Variants in OXNAD1 observed in about 807,000 individuals in gnomAD.
The protein encoded by OXNAD1 is oxidoreductase NAD-binding domain-containing protein 1.
In OXNAD1, 34 loss-of-function variants were observed where a neutral mutation model predicts 32.9. The ratio of observed to expected loss-of-function variants is 1.03; its 90% CI spans 0.79 to 1.38. The LOEUF (loss-of-function observed/expected upper bound fraction) is 1.38. Among genes scored for constraint, OXNAD1 ranks in the 40% most tolerant of loss-of-function variants. OXNAD1 has a pLI of 0.00. For synonymous variants in OXNAD1, 134 were observed against 135.2 expected (o/e 0.99, Z 0.06); for missense variants, 407 against 379.4 (o/e 1.07, Z -0.60).
At position 16,280,369 on chromosome 3, in the gene OXNAD1, C is replaced by T. The variant is rs998644715; in HGVS notation, c.184-5973C>T. Among the ~76,000 whole-genome samples the T allele has an allele frequency of 6.6e-6, 1 of 152,186 alleles. No homozygotes were observed. The highest frequency in any genetic ancestry group is 2.4e-5 in the African/African-American group (1 of 41,436). On this transcript the variant is annotated intron_variant, in intron 4 of 8. Transcript: ENST00000285083. The surrounding 1 kb of genome is among the most constrained non-coding windows in gnomAD (Gnocchi z 4.5). Reference sequence around the variant, plus strand: ...CATTCTAGGGCATAGTGTTAACCAGCATAAGCCATTTAAGAAGTTAAATTG... The same window carrying T: ...CATTCTAGGGCATAGTGTTAACCAGTATAAGCCATTTAAGAAGTTAAATTG...
intron 4 of OXNAD1, among the ~76,000 whole-genome samples, chr3:16,276,913 TTTTC>T (rs2065371811): frequency 1.4e-5 from 2 of 139,478 alleles, no homozygotes; most frequent in Non-Finnish European, 3.1e-5. Context: ...TTCTGTTTCT[TTTTC>T]TTTCTTTCTT....
Position 16,316,459 on chromosome 3 carries a change from G to C in OXNAD1, c.*30+12867G>C, listed in dbSNP as rs1485438518. 3.4e-6 allele frequency: 1 copy of C among 297,490 alleles called. No individual in the cohort carries two copies. The highest frequency in any genetic ancestry group is 6.4e-6 in the Non-Finnish European group (1 of 156,610). 18.4% of individuals were successfully genotyped at this position (297,490 alleles called of 1,614,324 possible). A position where few individuals can be genotyped will look rare whatever the true frequency, so the allele number is the denominator to read the frequency against. On this transcript the variant is annotated intron_variant, in intron 9 of 9. Transcript: ENST00000435829. This position sits in a 1 kb window ranked among gnomAD's most constrained non-coding sequence, Gnocchi z 4.5. The stretch of plus-strand genomic sequence containing the variant: ...ACAGCAGCCTTGGTTTGTAGCCCAG[G>C]GTGTCCATGGATTTGACCCGAATGC...
rs1375170209 is a variant in OXNAD1 at position 16,334,621 on chromosome 3, G to C, written c.*31-2491G>C. ...CATACAGGATGAAGAGGGACAATGA[G>C]AGGGAATGAATTCTATTCTAGACAC... On this transcript the variant is annotated intron_variant, in intron 9 of 9. Coordinates refer to the OXNAD1 transcript ENST00000435829. This position sits in a 1 kb window ranked among gnomAD's most constrained non-coding sequence, Gnocchi z 4.3. Among the ~76,000 whole-genome samples the C allele has an allele frequency of 6.6e-6, 1 of 152,144 alleles. No homozygotes were observed. The highest frequency in any genetic ancestry group is 2.4e-5 in the African/African-American group (1 of 41,426).
At position 16,345,301 on chromosome 3, in the gene OXNAD1, T is replaced by TGTGTGTGTGTGTGTGTGTGTGTG. The variant is rs1559842639; in HGVS notation, c.*31-3875_*31-3874insGTGTGTGTGTGTGTGTGTGTGTG. The TGTGTGTGTGTGTGTGTGTGTGTG allele has an allele frequency of 2.7e-5, 4 of 146,554 alleles. No homozygotes were observed. The highest frequency in any genetic ancestry group is 9.9e-5 in the African/African-American group (4 of 40,444). 9.1% of individuals were successfully genotyped at this position (146,554 alleles called of 1,614,324 possible). ...GTGTGTGTGTGTGTGTGTGTGTGTG[T>TGTGTGTGTGTGTGTGTGTGTGTG]TTAAAGCTGTTATAGAATTATCTCC... On this transcript the variant is annotated intron_variant, in intron 9 of 9. Transcript: ENST00000606098. This position sits in a 1 kb window ranked among gnomAD's most constrained non-coding sequence, Gnocchi z 5.2.
exon 10 of OXNAD1, chr3:16,349,305 GA>G (rs2071936273): frequency 6.6e-6 from 1 of 152,250 alleles, no homozygotes; most frequent in African/African-American, 2.4e-5. Context: ...GTCACCCTAA[GA>G]TAAAAGTTGG....
In OXNAD1 at chr3:16,271,752, TC is replaced by T; in HGVS notation, c.183+32del. On this transcript the variant is annotated intron_variant, in intron 4 of 8. Coordinates refer to ENST00000285083, the MANE Select transcript of OXNAD1 (RefSeq NM_138381.5). This position sits in a 1 kb window ranked among gnomAD's most constrained non-coding sequence, Gnocchi z 4.6. ...GTATCTTTGGGGTATGACAGGTTTT[TC>T]CAGCTAGACCGTTTACATGTGGTTA... The T allele has an allele frequency of 6.3e-7, 1 of 1,588,934 alleles. No individual in the cohort carries two copies. The highest frequency in any genetic ancestry group is 2.2e-5 in the East Asian group (1 of 44,510).
Position 16,316,886 on chromosome 3 carries a change from T to C in OXNAD1, c.*30+13294T>C, listed in dbSNP as rs1272161961. The C allele has an allele frequency of 1.2e-5, 19 of 1,614,040 alleles. 1 individual carries two copies. The Admixed American group carries it at 3.2e-4, about 27-fold the overall frequency. On this transcript the variant is annotated intron_variant, in intron 9 of 9. Transcript: ENST00000435829. The surrounding 1 kb of genome is among the most constrained non-coding windows in gnomAD (Gnocchi z 4.5). ...TTCCTCAGCATCCCCGTCCCTGGCA[T>C]CCTCTCCAGGATTGGAGTGCCCAGT...
intron 4 of OXNAD1, among the ~76,000 whole-genome samples, chr3:16,276,921 CTTTCT>C (rs1290893672): frequency 3.9e-5 from 5 of 126,956 alleles, no homozygotes; most frequent in Non-Finnish European, 8.2e-5. Context: ...CTTTTTCTTT[CTTTCT>C]TTTTTTTTTT....
chr3:16,325,624 T>C (rs2069616191), intron 9 of OXNAD1, among the ~76,000 whole-genome samples: 3 of 152,176 alleles, frequency 2.0e-5, no homozygotes, highest in Admixed American at 6.5e-5. Flanking sequence ...ACCACTGCAT[T>C]GCCCTATGCC....
rs1405000567 is a variant in OXNAD1, at chr3:16,327,740, GA to G, written c.*31-9371del. Among the ~76,000 whole-genome samples the G allele has an allele frequency of 6.7e-6, 1 of 149,868 alleles. No individual in the cohort carries two copies. Among genetic ancestry groups the G allele is most frequent in the Admixed American group, 6.7e-5 (1 of 15,000 alleles). On this transcript the variant is annotated intron_variant, in intron 9 of 9. Transcript: ENST00000435829. This position sits in a 1 kb window ranked among gnomAD's most constrained non-coding sequence, Gnocchi z 4.2. ...GGCACCACTGCACTCCAGCCTGGGT[GA>G]CAGAGCGGGATTCCCATCTCAAAAA...
chr3:16,273,453 G>A (rs1377152400), intron 4 of OXNAD1, among the ~76,000 whole-genome samples: 2 of 151,062 alleles, frequency 1.3e-5, no homozygotes, highest in Non-Finnish European at 3.0e-5. Flanking sequence ...GGGTACAGGG[G>A]TACAGTCATG....
At position 16,280,664 on chromosome 3, in the gene OXNAD1, G is replaced by T. The variant is rs551483884; in HGVS notation, c.184-5678G>T. ...TGCCTAAATTTTTAAGCCAGAAAAT[G>T]AATGAACAGGAGTGAACAGGGAAAG... is the stretch of plus-strand genomic sequence containing the variant. On this transcript the variant is annotated intron_variant, in intron 4 of 8. Transcript: ENST00000285083. The surrounding 1 kb of genome is among the most constrained non-coding windows in gnomAD (Gnocchi z 4.5). Among the ~76,000 whole-genome samples, 70 of 152,240 alleles carry T rather than the reference G, an allele frequency of 4.6e-4. No homozygotes were observed. Among genetic ancestry groups the T allele is most frequent in the South Asian group, 1.7e-3 (8 of 4,826 alleles).
At chr3:16,306,605 T>A (rs2067580635), downstream of OXNAD1, among the ~76,000 whole-genome samples, 1 of 152,204 alleles carries the variant, frequency 6.6e-6, no homozygotes, top group Non-Finnish European at 1.5e-5. Flanking sequence ...TGGACACTTT[T>A]TTTCCCCCAT....
intron 6 of OXNAD1, among the ~76,000 whole-genome samples, chr3:16,295,952 C>T (rs1241603099): frequency 6.6e-6 from 1 of 152,148 alleles, no homozygotes; most frequent in African/African-American, 2.4e-5. Flanking sequence ...GTAGGAGCCA[C>T]ATGGAAATAA....
chr3:16,340,997 G>A (rs754805875), downstream of OXNAD1, among the ~76,000 whole-genome samples: 8 of 152,148 alleles, frequency 5.3e-5, no homozygotes, highest in Non-Finnish European at 1.0e-4. Flanking sequence ...ATGGGCAAAA[G>A]TTCTAAACAA....
rs1186168548 is a variant in OXNAD1 at position 16,320,338 on chromosome 3, C to CT, written c.*30+16747dup. On this transcript the variant is annotated intron_variant, in intron 9 of 9. Transcript: ENST00000435829. This position sits in a 1 kb window ranked among gnomAD's most constrained non-coding sequence, Gnocchi z 4.5. The stretch of plus-strand genomic sequence containing the variant: ...ATCCATGTTGCTGATTAAAAGAAGA[C>CT]TAAATATGCCACATCCTCGGTGTGC... Among the ~76,000 whole-genome samples, 10 of 152,336 alleles carry CT rather than the reference C, an allele frequency of 6.6e-5. No homozygotes were observed. The highest frequency in any genetic ancestry group is 2.2e-4 in the African/African-American group (9 of 41,576).
Position 16,294,849 on chromosome 3 carries a change from T to C in OXNAD1, c.291-7T>C. On this transcript the variant is annotated splice_polypyrimidine_tract_variant and splice_region_variant and intron_variant, in intron 5 of 8. Coordinates refer to ENST00000285083, the MANE Select transcript of OXNAD1 (RefSeq NM_138381.5). ...AACAATAATCATTTATTTGGCTTTC[T>C]TTTTAGGGTTGATTTCTTTATTCCA... The C allele has an allele frequency of 6.2e-7, 1 of 1,603,264 alleles. No individual in the cohort carries two copies. The highest frequency in any genetic ancestry group is 8.5e-7 in the Non-Finnish European group (1 of 1,176,248).
At chr3:16,300,871 C>T (rs1224316213) in intron 6 of OXNAD1, among the ~76,000 whole-genome samples, 2 of 152,196 alleles carry the variant, frequency 1.3e-5, no homozygotes, top group South Asian at 2.1e-4. Context: ...TTCCCCAAAT[C>T]ATTGTGACAA....
downstream of OXNAD1, among the ~76,000 whole-genome samples, chr3:16,351,975 T>C (rs2072134557): frequency 6.6e-6 from 1 of 152,208 alleles, no homozygotes; most frequent in Admixed American, 6.5e-5. This position sits in a 1 kb window ranked among gnomAD's most constrained non-coding sequence, Gnocchi z 5.4. Context: ...ACACTTTGGG[T>C]GTGGTTTATA....
Sources: gnomAD v4.1 joint callset for allele counts (sites outside exome capture counted in the v4.1 genomes callset) on GRCh38, gnomAD v4.1.1 for gene constraint, Gnocchi (gnomAD v3.1) non-coding constraint, MANE v1.5 for transcripts, NCBI Gene and HGNC (gene_info 2026-07-23, HGNC 2026-07-21) for gene names.